The following UNC79 variants were observed in gnomAD, a reference collection of about 807,000 sequenced individuals.
UNC79 encodes the protein protein unc-79 homolog.
Under a neutral mutation model 283.1 loss-of-function variants are expected in UNC79, and 37 were observed. The observed-to-expected ratio is 0.13, with a 90% CI of 0.10 to 0.17. The LOEUF is 0.17. Ranked by LOEUF, UNC79 falls within the 10% of genes least tolerant of loss-of-function variation. The pLI is 1.00. For missense variants in UNC79, 2,272 were observed against 3,211.1 expected, an observed-to-expected ratio of 0.71 and a Z score of 7.07; for synonymous variants, 1,107 against 1,200.2, an observed-to-expected ratio of 0.92 and a Z score of 1.61.
At chr14:93,353,908 G>T (rs1188975106) in intron 1 of UNC79, among the ~76,000 whole-genome samples, 1 of 152,166 alleles carries the variant, frequency 6.6e-6, no homozygotes, top group Non-Finnish European at 1.5e-5. Flanking sequence ...GCCCTAACTT[G>T]CCCTAGAAGA....
intron 23 of UNC79, among the ~76,000 whole-genome samples, chr14:93,596,499 G>A (rs2065092087): frequency 1.3e-5 from 2 of 152,196 alleles, no homozygotes; most frequent in Admixed American, 6.5e-5. Flanking sequence ...GCTGGGCATG[G>A]TGGTGCCTGC....
chr14:93,507,274 G>C (rs117485072), intron 7 of UNC79, among the ~76,000 whole-genome samples: 2,648 of 152,240 alleles, frequency 0.017, 38 homozygotes, highest in South Asian at 0.073. Flanking sequence ...GACTGGAATT[G>C]CTGGGTCATA....
At chr14:93,461,438 G>A (rs757754766) in intron 1 of UNC79, among the ~76,000 whole-genome samples, 1 of 152,164 alleles carries the variant, frequency 6.6e-6, no homozygotes, top group Non-Finnish European at 1.5e-5. Flanking sequence ...AAACGGTGAG[G>A]ATAGAAGGGG....
At chr14:93,673,314 T>G in intron 40 of UNC79, 37 bp from the exon 44 acceptor site, 1 of 1,587,312 alleles carries the variant, frequency 6.3e-7, no homozygotes, top group Non-Finnish European at 8.6e-7. Context: ...ATTGAATTTC[T>G]AAAATCACTT....
intron 41 of UNC79, among the ~76,000 whole-genome samples, chr14:93,680,411 G>A (rs2073749105): frequency 6.6e-6 from 1 of 152,168 alleles, no homozygotes; most frequent in Non-Finnish European, 1.5e-5. Flanking sequence ...ACAGCTCTAA[G>A]TGAGCCCCTT....
intron 1 of UNC79, among the ~76,000 whole-genome samples, chr14:93,446,399 T>A (rs1221834080): frequency 6.6e-6 from 1 of 151,640 alleles, no homozygotes; most frequent in Non-Finnish European, 1.5e-5. Flanking sequence ...GTGTGGTTTT[T>A]TTTTTTTTTG....
chr14:93,396,641 T>A (rs2055003455), intron 1 of UNC79, among the ~76,000 whole-genome samples: 1 of 152,184 alleles, frequency 6.6e-6, no homozygotes, highest in Non-Finnish European at 1.5e-5. Context: ...CAATTATTGC[T>A]GTAACATCTA....
chr14:93,449,763 G>A (rs2056577920), intron 1 of UNC79, among the ~76,000 whole-genome samples: 1 of 152,086 alleles, frequency 6.6e-6, no homozygotes, highest in Non-Finnish European at 1.5e-5. Context: ...TTAGTGTTTG[G>A]GTAATAACAT....
chr14:93,614,035 A>T (rs1004602995), intron 27 of UNC79, among the ~76,000 whole-genome samples: 24 of 149,916 alleles, frequency 1.6e-4, no homozygotes, highest in Admixed American at 3.3e-4. Flanking sequence ...AAACATTTTC[A>T]TGCACAGTAA....
intron 1 of UNC79, among the ~76,000 whole-genome samples, chr14:93,354,020 G>A (rs2054031216): frequency 1.3e-5 from 2 of 152,152 alleles, no homozygotes; most frequent in African/African-American, 4.8e-5. Flanking sequence ...AGTCACAGAA[G>A]TTATGTTTGC....
chr14:93,655,155 T>A, intron 37 of UNC79, 79 bp from the exon 41 acceptor site: 6 of 1,524,150 alleles, frequency 3.9e-6, no homozygotes, highest in Non-Finnish European at 5.4e-6. Context: ...ATGTGACTTT[T>A]AAACTGACAT....
chr14:93,556,520 T>C (rs778315326), intron 14 of UNC79, among the ~76,000 whole-genome samples: 4 of 152,118 alleles, frequency 2.6e-5, no homozygotes, highest in Non-Finnish European at 5.9e-5. Flanking sequence ...TGGGTTCTAC[T>C]TGGAAAACAG....
chr14:93,640,880 G>A (rs1249981368), intron 32 of UNC79, among the ~76,000 whole-genome samples: 1 of 152,050 alleles, frequency 6.6e-6, no homozygotes, highest in Non-Finnish European at 1.5e-5. Context: ...GACCCTGCTG[G>A]CACACCTGAG....
chr14:93,371,612 G>A lies in UNC79; in HGVS notation c.-351+38089G>A, dbSNP rs535218658. 5.9e-5 allele frequency among the ~76,000 whole-genome samples: 9 copies of A among 152,030 alleles called. No homozygotes were observed. In the East Asian group the frequency reaches 7.7e-4, roughly 13 times the overall value. On this transcript the variant is annotated intron_variant, in intron 1 of 49. Coordinates refer to the UNC79 transcript ENST00000256339. ...TCCCAGCACTTTGGGAGGCCGAGGC[G>A]GGTGGATCACGAGGTCAGGAGATCG...
rs59081955 is a variant in UNC79 at position 93,646,016 on chromosome 14, A to G, written c.6045-592A>G. Among the ~76,000 whole-genome samples the G allele has an allele frequency of 4.9e-3, 749 of 152,264 alleles. 18 individuals are homozygous for G. The East Asian group carries it at 0.081, about 16-fold the overall frequency. On this transcript the variant is annotated intron_variant, in intron 34 of 48. Coordinates refer to ENST00000555664, the Ensembl canonical transcript of UNC79. ...TATTCTAAACCCATCAGTATAGTCC[A>G]TTCTCTTTCTATATGATAACATATA...
At chr14:93,644,091 C>T (rs779210155) in intron 34 of UNC79, among the ~76,000 whole-genome samples, 5 of 152,176 alleles carry the variant, frequency 3.3e-5, no homozygotes, top group Non-Finnish European at 7.3e-5. Context: ...CATTTGTAAT[C>T]TCAAGGACAC....
In UNC79 at chr14:93,690,367, C is replaced by CAAT; in HGVS notation, c.7272+65_7272+67dup. Reference sequence around the variant, plus strand: ...AATTGCTAATGGAAACCTTATCAGCCAATTATGTTTCTTCTGAGAAGAAAA... The same window carrying CAAT: ...AATTGCTAATGGAAACCTTATCAGCCAATAATTATGTTTCTTCTGAGAAGAAAA... On this transcript the variant is annotated intron_variant, in intron 45 of 48. Transcript: ENST00000555664. The surrounding 1 kb of genome is among the most constrained non-coding windows in gnomAD (Gnocchi z 4.3). 1 of 1,521,200 alleles carries CAAT rather than the reference C, an allele frequency of 6.6e-7. No individual in the cohort carries two copies. Among genetic ancestry groups the CAAT allele is most frequent in the Admixed American group, 1.9e-5 (1 of 51,886 alleles). The allele number at this position is 1,521,200 out of a possible 1,614,324, so 94.2% of individuals were successfully genotyped here.
intron 4 of UNC79, among the ~76,000 whole-genome samples, chr14:93,479,943 A>G (rs1308767154): frequency 6.6e-6 from 1 of 152,224 alleles, no homozygotes; most frequent in Non-Finnish European, 1.5e-5. Flanking sequence ...TAGCTTTCTA[A>G]CAATTAATCT....
intron 43 of UNC79, among the ~76,000 whole-genome samples, chr14:93,687,212 C>G (rs1378328425): frequency 6.6e-6 from 1 of 152,158 alleles, no homozygotes; most frequent in African/African-American, 2.4e-5. Context: ...CAAACATACA[C>G]CATGTATTAT....
Sources: gnomAD v4.1 joint callset for allele counts (sites outside exome capture counted in the v4.1 genomes callset) on GRCh38, gnomAD v4.1.1 for gene constraint, Gnocchi (gnomAD v3.1) non-coding constraint, MANE v1.5 for transcripts, NCBI Gene and HGNC (gene_info 2026-07-23, HGNC 2026-07-21) for gene names.